The following HRG variants were observed in gnomAD, a reference collection of about 807,000 sequenced individuals.
HRG encodes the protein histidine rich glycoprotein, also known as histidine-rich glycoprotein.
HRG carries 26 observed loss-of-function variants against 29.5 expected under a neutral mutation model. The ratio of observed to expected loss-of-function variants is 0.88; its 90% CI spans 0.65 to 1.22. The LOEUF (loss-of-function observed/expected upper bound fraction) is 1.22, where lower values mean the gene tolerates loss of function less well. Ranked by LOEUF, HRG falls within the 50% of genes most tolerant of loss-of-function variation. HRG has a pLI of 0.00. For missense variants in HRG, 671 were observed against 654.5 expected, an observed-to-expected ratio of 1.03 and a Z score of -0.28; for synonymous variants, 243 against 240.4, an observed-to-expected ratio of 1.01 and a Z score of -0.10.
In HRG at chr3:186,675,164, A is replaced by G; in HGVS notation, c.715A>G (p.Ile239Val). Reference protein sequence around the residue: ...LDLESPKNLVINCEVFDPQEH... With the variant: ...LDLESPKNLVVNCEVFDPQEH... Reference sequence around the variant, plus strand: ...CTTGGAAAGCCCGAAAAACCTTGTCATAAACTGTGAAGTCTTCGACCCTCA... The same window carrying G: ...CTTGGAAAGCCCGAAAAACCTTGTCGTAAACTGTGAAGTCTTCGACCCTCA... Residue 239 changes from isoleucine to valine, a missense_variant, in exon 6 of 7, where the codon ATA becomes GTA. Ile to Val is a conservative substitution (Grantham distance 29). Coordinates refer to ENST00000232003, the MANE Select transcript of HRG (RefSeq NM_000412.5). 3.1e-6 allele frequency: 5 copies of G among 1,613,638 alleles called. No individual in the cohort carries two copies. Among genetic ancestry groups the G allele is most frequent in the Non-Finnish European group, 4.2e-6 (5 of 1,179,574 alleles).
At chr3:186,670,075 T>C (rs368739467) in intron 3 of HRG, 47 bp downstream of exon 3, 74 of 955,200 alleles carry the variant, frequency 7.7e-5, no homozygotes, top group Non-Finnish European at 1.1e-4. Flanking sequence ...TTAATACAAA[T>C]TCAATCATAC....
intron 1 of HRG, chr3:186,667,080 G>A (rs1718634751): frequency 6.6e-6 from 1 of 152,190 alleles, no homozygotes; most frequent in Non-Finnish European, 1.5e-5. Flanking sequence ...GGGACAAAAG[G>A]CTGTAATCTA....
chr3:186,675,200 C>G lies in HRG; in HGVS notation c.741+10C>G, dbSNP rs1718931302. On this transcript the variant is annotated intron_variant, in intron 6 of 6. Transcript: ENST00000232003. ...AGTCTTCGACCCTCAGGTGGGTTGT[C>G]TAAGCAGACTTTGTCATGGCAGTGC... 3.2e-6 allele frequency: 5 copies of G among 1,577,988 alleles called. No homozygotes were observed.
chr3:186,666,166 C>T lies in HRG; in HGVS notation c.135C>T (p.Gly45=), dbSNP rs1718602805. Residue 45 remains glycine (G), a synonymous_variant, in exon 1 of 7, where the codon GGC becomes GGT. Coordinates refer to ENST00000232003, the MANE Select transcript of HRG (RefSeq NM_000412.5). ...TGATCAATAAAAGGCGACGGGATGG[C>T]TACCTTTTCCAATTGCTGCGGATTG... ...LDLINKRRRD[G]YLFQLLRIAD... is the part of the protein sequence containing the mutation. 6.2e-7 allele frequency: 1 copy of T among 1,614,048 alleles called. No individual in the cohort carries two copies. Among genetic ancestry groups the T allele is most frequent in the South Asian group, 1.1e-5 (1 of 91,084 alleles).
At chr3:186,666,786 G>A (rs1455984197) in intron 1 of HRG, 10 of 159,406 alleles carry the variant, frequency 6.3e-5, no homozygotes, top group South Asian at 3.6e-4. Context: ...GGTGGTGCAC[G>A]CCTGTAATCC....
Position 186,671,642 on chromosome 3 carries a change from T to C in HRG, c.411T>C (p.Asn137=). 3.7e-6 allele frequency: 6 copies of C among 1,614,006 alleles called. No individual in the cohort carries two copies. Among genetic ancestry groups the C allele is most frequent in the South Asian group, 1.1e-5 (1 of 91,080 alleles). Residue 137 remains asparagine (N), a synonymous_variant, in exon 4 of 7, where the codon AAT becomes AAC. Transcript: ENST00000232003. ...TTSSVSSALA[N]TKDSPVLIDF... ...CTCCAGTCTCTTCAGCACTGGCCAA[T>C]ACCAAAGATAGTCCGGTCCTCATAG...
rs747359973 is a variant in HRG at position 186,677,397 on chromosome 3, C to A, written c.1092C>A (p.His364Gln). 2 of 1,611,716 alleles carry A rather than the reference C, an allele frequency of 1.2e-6. No individual in the cohort carries two copies. Among genetic ancestry groups the A allele is most frequent in the South Asian group, 2.2e-5 (2 of 90,658 alleles). Residue 364 changes from histidine to glutamine, a missense_variant, in exon 7 of 7, where the codon CAC becomes CAA. Transcript: ENST00000232003. ...CCCATGAACAGCATCCCCACGGACA[C>A]CATCCCCATGCACACCATCCTCATG... ...HHSHEQHPHG[H>Q]HPHAHHPHEH...
chr3:186,671,894 C>T, intron 4 of HRG, 105 bp downstream of exon 4: 1 of 963,312 alleles, frequency 1.0e-6, no homozygotes, highest in Non-Finnish European at 1.7e-6. Context: ...TGACTAGCTG[C>T]CTTTTAATTT....
In HRG at chr3:186,675,153, A is replaced by G; in HGVS notation, c.704A>G (p.Lys235Arg). The G allele has an allele frequency of 6.2e-7, 1 of 1,613,972 alleles. No individual in the cohort carries two copies. The highest frequency in any genetic ancestry group is 1.3e-5 in the African/African-American group (1 of 75,040). ...GAAGCCTTGGACTTGGAAAGCCCGA[A>G]AAACCTTGTCATAAACTGTGAAGTC... The part of the protein sequence containing the change: ...DVEALDLESP[K>R]NLVINCEVFD... Residue 235 changes from lysine to arginine, a missense_variant, in exon 6 of 7, where the codon AAA becomes AGA. Coordinates refer to ENST00000232003, the MANE Select transcript of HRG (RefSeq NM_000412.5).
intron 4 of HRG, 91 bp from the exon 5 acceptor site, chr3:186,672,696 C>A: frequency 1.2e-6 from 1 of 824,858 alleles, no homozygotes; most frequent in Non-Finnish European, 2.1e-6. Context: ...TCTCATACTG[C>A]CTTAAAAAAT....
chr3:186,666,103 C>T lies in HRG; in HGVS notation c.72C>T (p.Cys24=). ...CGTGTGCCGTGAGTCCCACTGACTG[C>T]AGTGCTGTTGAGCCGGAGGCTGAGA... is the stretch of plus-strand genomic sequence containing the variant. ...QYSCAVSPTD[C]SAVEPEAEKA... is the part of the protein sequence containing the mutation. The change falls in exon 1 of 7, where the codon TGC becomes TGT. Residue 24 remains cysteine (C), a synonymous_variant. Transcript: ENST00000232003. 1 of 1,614,174 alleles carries T rather than the reference C, an allele frequency of 6.2e-7. No individual in the cohort carries two copies. Among genetic ancestry groups the T allele is most frequent in the Non-Finnish European group, 8.5e-7 (1 of 1,180,000 alleles).
At chr3:186,674,898 C>A in intron 5 of HRG, 191 bp from the exon 6 acceptor site, 1 of 631,112 alleles carries the variant, frequency 1.6e-6, no homozygotes, top group Non-Finnish European at 2.9e-6. Flanking sequence ...TAGTGATACC[C>A]TTCACCACCT....
At chr3:186,672,928 AAGG>A (rs1302902146) in intron 5 of HRG, 61 bp downstream of exon 5, 8 of 933,596 alleles carry the variant, frequency 8.6e-6, no homozygotes, top group Admixed American at 1.7e-5. Context: ...GAAAGAGAAG[AAGG>A]AGAAGGAGAA....
chr3:186,677,035 G>A lies in HRG; in HGVS notation c.742-12G>A. 6.2e-7 allele frequency: 1 copy of A among 1,613,966 alleles called. No individual in the cohort carries two copies. The highest frequency in any genetic ancestry group is 8.5e-7 in the Non-Finnish European group (1 of 1,179,944). ...TACATGATGATAGGCACTTTTCTGTGACCTTTTCCAGGAACATGAGAACAT... is the reference window on the plus strand; with the variant it reads ...TACATGATGATAGGCACTTTTCTGTAACCTTTTCCAGGAACATGAGAACAT... On this transcript the variant is annotated splice_polypyrimidine_tract_variant and intron_variant, in intron 6 of 6. Coordinates refer to ENST00000232003, the MANE Select transcript of HRG (RefSeq NM_000412.5).
chr3:186,677,641 G>A lies in HRG; in HGVS notation c.1336G>A (p.Gly446Arg). 1 of 1,614,122 alleles carries A rather than the reference G, an allele frequency of 6.2e-7. No homozygotes were observed. Among genetic ancestry groups the A allele is most frequent in the Non-Finnish European group, 8.5e-7 (1 of 1,180,020 alleles). The change falls in exon 7 of 7, where the codon GGA (glycine) becomes AGA (arginine). Residue 446 changes from glycine to arginine, a missense_variant. Coordinates refer to ENST00000232003, the MANE Select transcript of HRG (RefSeq NM_000412.5). ...CTTAAGAAGGCGAGGCCCAGGTAAA[G>A]GACCCCGTCCCTTCCATTGCAGACA... ...GHLRRRGPGK[G>R]PRPFHCRQIG... is the part of the protein sequence containing the mutation.
chr3:186,677,959 A>C lies in HRG; in HGVS notation c.*76A>C. ...TAAATAAAATGACCAGTAATTGTGA[A>C]AATTACAGTTCTTTTCAACCTACTT... On this transcript the variant is annotated 3_prime_UTR_variant, in exon 7 of 7. Transcript: ENST00000232003. 1 of 1,406,586 alleles carries C rather than the reference A, an allele frequency of 7.1e-7. No individual in the cohort carries two copies. The highest frequency in any genetic ancestry group is 1.2e-5 in the South Asian group (1 of 83,130). 87.1% of individuals were successfully genotyped at this position (1,406,586 alleles called of 1,614,324 possible). A position where few individuals can be genotyped will look rare whatever the true frequency, so the allele number is the denominator to read the frequency against.
Position 186,669,966 on chromosome 3 carries a change from C to T in HRG, c.329C>T (p.Thr110Ile). Residue 110 changes from threonine (T) to isoleucine (I), a missense_variant, in exon 3 of 7, where the codon ACA becomes ATA. Transcript: ENST00000232003. ...IVIGQCKVIATRHSHESQDLR... is the reference protein window; with the variant it reads ...IVIGQCKVIAIRHSHESQDLR... ...ATCGGACAATGTAAGGTAATAGCTACAAGACATTCCCATGAATCTCAGGAC... is the reference window on the plus strand; with the variant it reads ...ATCGGACAATGTAAGGTAATAGCTATAAGACATTCCCATGAATCTCAGGAC... 1 of 1,598,676 alleles carries T rather than the reference C, an allele frequency of 6.3e-7. No individual in the cohort carries two copies. The highest frequency in any genetic ancestry group is 2.2e-5 in the East Asian group (1 of 44,828).
Position 186,677,183 on chromosome 3 carries a change from A to C in HRG, c.878A>C (p.His293Pro). 6.2e-7 allele frequency: 1 copy of C among 1,614,008 alleles called. No individual in the cohort carries two copies. The highest frequency in any genetic ancestry group is 8.5e-7 in the Non-Finnish European group (1 of 1,180,002). ...SRDHHHPHKP[H>P]EHGPPPPPDE... ...GATCATCATCATCCCCACAAGCCAC[A>C]CGAACATGGACCCCCACCTCCTCCA... The change falls in exon 7 of 7, where the codon CAC (histidine) becomes CCC (proline). Residue 293 changes from histidine to proline, a missense_variant. His to Pro is a moderately conservative substitution (Grantham distance 77). Transcript: ENST00000232003.
At chr3:186,668,760 C>G in intron 1 of HRG, 175 bp from the exon 2 acceptor site, 2 of 595,544 alleles carry the variant, frequency 3.4e-6, no homozygotes, top group South Asian at 4.1e-5. Flanking sequence ...GGAAATAACT[C>G]ATTGAAGCTA....
Sources: gnomAD v4.1 joint callset for allele counts on GRCh38, gnomAD v4.1.1 for gene constraint, MANE v1.5 for transcripts, NCBI Gene and HGNC (gene_info 2026-07-23, HGNC 2026-07-21) for gene names.